Variants in MACROD2 observed in about 807,000 individuals in gnomAD.
MACROD2 encodes mono-ADP ribosylhydrolase 2, also known as ADP-ribose glycohydrolase MACROD2.
A neutral mutation model predicts 70.4 loss-of-function variants in MACROD2; 36 were observed. The ratio of observed to expected loss-of-function variants is 0.51; its 90% CI spans 0.39 to 0.68. The LOEUF is 0.68. Among genes scored for constraint, MACROD2 ranks in the 30% least tolerant of loss-of-function variants. MACROD2 has a pLI of 0.00. For missense variants in MACROD2, 496 were observed against 538.4 expected (o/e 0.92, Z 0.78); for synonymous variants, 172 against 178.8 (o/e 0.96, Z 0.30).
At chr20:15,477,098 A>ATTTT (rs769382441) in intron 7 of MACROD2, among the ~76,000 whole-genome samples, 14 of 69,732 alleles carry the variant, frequency 2.0e-4, no homozygotes, top group Admixed American at 3.3e-4. Flanking sequence ...CTCTATTTTT[A>ATTTT]GTTTTTTTTT....
At chr20:14,381,510 A>T (rs2083420053) in intron 3 of MACROD2, among the ~76,000 whole-genome samples, 2 of 152,206 alleles carry the variant, frequency 1.3e-5, no homozygotes, top group Admixed American at 6.5e-5. Flanking sequence ...TTGTTATGAA[A>T]GAATAGTTGT....
chr20:14,537,851 A>C (rs1012310670), intron 4 of MACROD2, among the ~76,000 whole-genome samples: 1 of 152,190 alleles, frequency 6.6e-6, no homozygotes, highest in Non-Finnish European at 1.5e-5. Context: ...CATTTTAGAC[A>C]GTCTTCCTCA....
rs550583891 is a variant in MACROD2, at chr20:14,061,752, A to G, written c.164-23869A>G. On this transcript the variant is annotated intron_variant, in intron 2 of 17. Coordinates refer to ENST00000684519, the MANE Select transcript of MACROD2 (RefSeq NM_001351661.2). ...AGTTACATATCCTTCCATGTTTGTG[A>G]CAACATGGAGAAGCTCGTGAAGACA... 6.1e-4 allele frequency among the ~76,000 whole-genome samples: 93 copies of G among 152,290 alleles called. 1 individual carries two copies. Among genetic ancestry groups the G allele is most frequent in the African/African-American group, 2.2e-3 (91 of 41,586 alleles).
At chr20:15,662,709 G>T (rs1432794845) in intron 8 of MACROD2, among the ~76,000 whole-genome samples, 1 of 111,536 alleles carries the variant, frequency 9.0e-6, no homozygotes, top group Non-Finnish European at 1.9e-5. Context: ...TACAAGCTCA[G>T]AGAGGGTTTT....
intron 2 of MACROD2, among the ~76,000 whole-genome samples, chr20:14,026,990 G>A (rs777079395): frequency 1.4e-4 from 22 of 152,170 alleles, no homozygotes; most frequent in Non-Finnish European, 2.8e-4. Flanking sequence ...CCTGACCCTT[G>A]TGCCTCCTGA....
chr20:14,940,085 G>T (rs1158162826), intron 5 of MACROD2, among the ~76,000 whole-genome samples: 6 of 137,424 alleles, frequency 4.4e-5, no homozygotes, highest in Non-Finnish European at 6.1e-5. Context: ...CCTGAACAAG[G>T]CTAATTTGAC....
intron 7 of MACROD2, among the ~76,000 whole-genome samples, chr20:15,450,464 A>G (rs2046625601): frequency 6.6e-6 from 1 of 151,978 alleles, no homozygotes; most frequent in Admixed American, 6.6e-5. Context: ...ATTTATAGAG[A>G]TATATATTAT....
chr20:14,957,893 ATTTTTCAATTACTT>A, intron 5 of MACROD2, among the ~76,000 whole-genome samples: 1 of 151,580 alleles, frequency 6.6e-6, no homozygotes, highest in South Asian at 2.1e-4. Context: ...TAAAAGTTTT[ATTTTTCAATTACTT>A]TTTTATAATA....
intron 3 of MACROD2, among the ~76,000 whole-genome samples, chr20:14,454,191 T>G (rs1478056828): frequency 6.6e-6 from 1 of 152,026 alleles, no homozygotes; most frequent in Non-Finnish European, 1.5e-5. Flanking sequence ...AATTGTTGTA[T>G]GTTTTTAAAA....
chr20:14,604,920 A>G (rs59293650), intron 4 of MACROD2, among the ~76,000 whole-genome samples: 28,582 of 152,180 alleles, frequency 0.19, 3,353 homozygotes, highest in Non-Finnish European at 0.26. Flanking sequence ...AAAGGCTGGT[A>G]CAATTTTAAA....
At chr20:15,123,326 C>T (rs1277770270) in intron 5 of MACROD2, among the ~76,000 whole-genome samples, 1 of 152,082 alleles carries the variant, frequency 6.6e-6, no homozygotes, top group African/African-American at 2.4e-5. Context: ...TTGGTGATAG[C>T]ATAGAGCTGC....
intron 3 of MACROD2, among the ~76,000 whole-genome samples, chr20:14,475,278 AGT>A (rs1399644314): frequency 1.3e-5 from 2 of 152,136 alleles, no homozygotes; most frequent in African/African-American, 4.8e-5. Flanking sequence ...AATATTTTGA[AGT>A]GTTGATGTCA....
At chr20:14,337,666 AG>A (rs1379450974) in intron 3 of MACROD2, 3 of 397,692 alleles carry the variant, frequency 7.5e-6, no homozygotes, top group Non-Finnish European at 1.3e-5. Flanking sequence ...TGGCTGAAGA[AG>A]GGGGTGATGT....
intron 3 of MACROD2, among the ~76,000 whole-genome samples, chr20:14,383,400 A>G (rs906299057): frequency 2.6e-5 from 4 of 152,142 alleles, no homozygotes; most frequent in Non-Finnish European, 4.4e-5. Context: ...TCCTTCGTGA[A>G]CACTGAAGTT....
chr20:14,426,660 G>A (rs184366543), intron 3 of MACROD2, among the ~76,000 whole-genome samples: 3 of 152,218 alleles, frequency 2.0e-5, no homozygotes, highest in Non-Finnish European at 4.4e-5. Flanking sequence ...AAACTTCAGA[G>A]TTATCATCTC....
At chr20:15,278,763 T>A (rs986802226) in intron 6 of MACROD2, among the ~76,000 whole-genome samples, 2 of 152,202 alleles carry the variant, frequency 1.3e-5, no homozygotes, top group Non-Finnish European at 2.9e-5. Flanking sequence ...AATAGCAATA[T>A]TATAATAGCA....
chr20:14,906,729 C>A (rs1351981499), intron 5 of MACROD2, among the ~76,000 whole-genome samples: 4 of 152,118 alleles, frequency 2.6e-5, no homozygotes, highest in African/African-American at 9.7e-5. Context: ...AGAACAGGAT[C>A]TTTTTGTCTC....
intron 5 of MACROD2, among the ~76,000 whole-genome samples, chr20:15,198,926 A>G (rs1439363276): frequency 2.0e-5 from 3 of 151,588 alleles, no homozygotes; most frequent in Non-Finnish European, 4.4e-5. Context: ...AGTCTTTTCT[A>G]ATAGTTGTTT....
chr20:14,345,548 C>T (rs1040790689), intron 3 of MACROD2, among the ~76,000 whole-genome samples: 1 of 151,860 alleles, frequency 6.6e-6, no homozygotes, highest in South Asian at 2.1e-4. Context: ...ACTCTATCGC[C>T]TAGGCTGGAG....
Sources: allele counts gnomAD v4.1 joint callset (sites outside exome capture counted in the v4.1 genomes callset), GRCh38; gene constraint gnomAD v4.1.1; transcripts MANE v1.5; gene names NCBI Gene and HGNC (gene_info 2026-07-23, HGNC 2026-07-21).